The following GZMB variants were observed in gnomAD, a reference collection of about 807,000 sequenced individuals.
GZMB encodes the protein T-cell serine protease 1-3E.
Under a neutral mutation model 24.2 loss-of-function variants are expected in GZMB, and 27 were observed. The observed-to-expected ratio is 1.12, with a 90% CI of 0.82 to 1.54. The LOEUF is 1.54. Ranked by LOEUF, GZMB falls within the 40% of genes most tolerant of loss-of-function variation. The pLI, the probability that GZMB is intolerant of heterozygous loss-of-function variation, is 0.00. For synonymous variants in GZMB, 121 were observed against 115.1 expected (o/e 1.05, Z -0.33); for missense variants, 336 against 310.1 (o/e 1.08, Z -0.63).
chr14:24,631,853 C>T lies in GZMB; in HGVS notation c.600+5G>A, dbSNP rs1450554973. 4.3e-6 allele frequency: 7 copies of T among 1,613,542 alleles called. No individual in the cohort carries two copies. Among genetic ancestry groups the T allele is most frequent in the Non-Finnish European group, 5.9e-6 (7 of 1,179,424 alleles). On this transcript the variant is annotated splice_donor_5th_base_variant and intron_variant, in intron 4 of 4. Coordinates refer to ENST00000216341, the MANE Select transcript of GZMB (RefSeq NM_004131.6). Reference sequence around the variant, plus strand: ...GAGCCAATCCAGGCAGGTGCATAGTCTTACCTTAAAGGAAGTCTTTTTAAT... The same window carrying T: ...GAGCCAATCCAGGCAGGTGCATAGTTTTACCTTAAAGGAAGTCTTTTTAAT...
At position 24,633,193 on chromosome 14, in the gene GZMB, G is replaced by A. The variant is rs1048850642; in HGVS notation, c.56-131C>T. 9 of 1,452,268 alleles carry A rather than the reference G, an allele frequency of 6.2e-6. No homozygotes were observed. In the East Asian group the frequency reaches 7.0e-5, roughly 11 times the overall value. The allele number at this position is 1,452,268 out of a possible 1,614,324, so 90.0% of individuals were successfully genotyped here. ...GGAGTTGGGAGTGGCCTGGAGGAAG[G>A]GGCTTCAATTTCCTGCTCTGAAAAA... On this transcript the variant is annotated intron_variant, in intron 1 of 4. Transcript: ENST00000216341.
At chr14:24,633,103 C>G (rs1205591776) in intron 1 of GZMB, 41 bp from the exon 2 acceptor site, 1 of 1,557,080 alleles carries the variant, frequency 6.4e-7, no homozygotes, top group Admixed American at 1.9e-5. Flanking sequence ...CCCATGGAAT[C>G]TGCTGGGTGG....
chr14:24,632,470 A>G lies in GZMB; in HGVS notation c.204-11T>C. The G allele has an allele frequency of 6.2e-7, 1 of 1,613,534 alleles. No homozygotes were observed. Among genetic ancestry groups the G allele is most frequent in the Non-Finnish European group, 8.5e-7 (1 of 1,179,770 alleles). ...GTGACATTTATGGAGCTGCACAGAG[A>G]GCAGAGTGAGGATGGGGGTGGAGTC... On this transcript the variant is annotated splice_polypyrimidine_tract_variant and intron_variant, in intron 2 of 4. Coordinates refer to ENST00000216341, the MANE Select transcript of GZMB (RefSeq NM_004131.6).
Position 24,632,441 on chromosome 14 carries a change from C to T in GZMB, c.222G>A (p.Leu74=), listed in dbSNP as rs769362168. ...CCTGTTCTTTGATATTGTGGGCCCC[C>T]AAGGTGACATTTATGGAGCTGCACA... ...HCWGSSINVT[L]GAHNIKEQEP... is the part of the protein sequence containing the mutation. The change falls in exon 3 of 5, where the codon TTG becomes TTA. Residue 74 remains leucine (L), a synonymous_variant. Coordinates refer to ENST00000216341, the MANE Select transcript of GZMB (RefSeq NM_004131.6). The T allele has an allele frequency of 3.1e-6, 5 of 1,612,784 alleles. No individual in the cohort carries two copies. Among genetic ancestry groups the T allele is most frequent in the African/African-American group, 1.3e-5 (1 of 74,854 alleles).
chr14:24,633,671 C>T (rs1233736583), intron 1 of GZMB, among the ~76,000 whole-genome samples: 1 of 152,172 alleles, frequency 6.6e-6, no homozygotes, highest in Non-Finnish European at 1.5e-5. Context: ...TGAGCAAACA[C>T]ATTAACAGTG....
rs1156665204 is a variant in GZMB at position 24,631,026 on chromosome 14, G to C, written c.*45C>G. Reference sequence around the variant, plus strand: ...CAGTGTAAATCTGGACTTGGCTCCAGAGAAGGTGTTTCATTACAGCGGGGG... The same window carrying C: ...CAGTGTAAATCTGGACTTGGCTCCACAGAAGGTGTTTCATTACAGCGGGGG... On this transcript the variant is annotated 3_prime_UTR_variant, in exon 5 of 5. Coordinates refer to ENST00000216341, the MANE Select transcript of GZMB (RefSeq NM_004131.6). The C allele has an allele frequency of 6.7e-7, 1 of 1,496,200 alleles. No individual in the cohort carries two copies. The highest frequency in any genetic ancestry group is 9.3e-7 in the Non-Finnish European group (1 of 1,074,434). The allele number at this position is 1,496,200 out of a possible 1,614,324, so 92.7% of individuals were successfully genotyped here.
Position 24,631,999 on chromosome 14 carries a change from CA to C in GZMB, c.458del (p.Leu153ArgfsTer11). The stretch of plus-strand genomic sequence containing the variant: ...CTTGTAGTGTGTGTGAGTGTTTTCC[CA>C]GGGGGGCCGTCTGCCCCCAGCCGGC... ...SVAGWGQTAP[L>X]GKHSHTLQEV... On this transcript the variant is annotated frameshift_variant, in exon 4 of 5. Transcript: ENST00000216341. LOFTEE classifies it high-confidence loss of function. 6 of 1,614,174 alleles carry C rather than the reference CA, an allele frequency of 3.7e-6. No individual in the cohort carries two copies. Among genetic ancestry groups the C allele is most frequent in the Admixed American group, 1.7e-5 (1 of 60,030 alleles).
In GZMB at chr14:24,631,084, A is replaced by C; in HGVS notation, c.731T>G (p.Met244Arg). Residue 244 changes from methionine to arginine, a missense_variant, in exon 5 of 5, where the codon ATG becomes AGG. Physicochemically the swap from Met to Arg is moderately conservative, Grantham distance 91. Coordinates refer to ENST00000216341, the MANE Select transcript of GZMB (RefSeq NM_004131.6). ...TGCTTCCTGTAGTTAGTAGCGTTTC[A>C]TGGTTTTCTTTATCCAGTGTACAAA... ...SSFVHWIKKT[M>R]KRY 6.2e-7 allele frequency: 1 copy of C among 1,613,348 alleles called. No individual in the cohort carries two copies. The highest frequency in any genetic ancestry group is 1.7e-5 in the Admixed American group (1 of 60,004).
At position 24,634,127 on chromosome 14, in the gene GZMB, G is replaced by A. The variant is rs369766185; in HGVS notation, c.34C>T (p.Leu12=). Residue 12 remains leucine (L), a synonymous_variant, in exon 1 of 5, where the codon CTG becomes TTG. Transcript: ENST00000216341. ...QPILLLLAFL[L]LPRADAGEII... is the part of the protein sequence containing the mutation. ...TCACCTGCATCTGCCCTGGGCAGCA[G>A]GAGGAAGGCCAGCAGAAGCAGGATT... is the stretch of plus-strand genomic sequence containing the variant. 1.7e-5 allele frequency: 27 copies of A among 1,595,206 alleles called. No homozygotes were observed. The highest frequency in any genetic ancestry group is 2.3e-5 in the Non-Finnish European group (27 of 1,172,204).
In GZMB at chr14:24,634,180, T is replaced by C. The variant is rs1472528577; in HGVS notation, c.-20A>G. 1 of 1,579,128 alleles carries C rather than the reference T, an allele frequency of 6.3e-7. No individual in the cohort carries two copies. ...TTGCATCTTCTCAGGAAGGCTGCCC[T>C]GGTTGGAGCTGCTGTTGTTTCCTCC... On this transcript the variant is annotated 5_prime_UTR_variant, in exon 1 of 5. Transcript: ENST00000216341.
intron 2 of GZMB, 81 bp downstream of exon 2, chr14:24,632,834 G>A (rs2067010103): frequency 3.6e-6 from 5 of 1,387,428 alleles, no homozygotes; most frequent in African/African-American, 1.4e-5. Flanking sequence ...GTTCACAGGA[G>A]CCCAGGGAGC....
chr14:24,631,972 C>T lies in GZMB; in HGVS notation c.486G>A (p.Glu162=). Residue 162 remains glutamate (E), a synonymous_variant, in exon 4 of 5, where the codon GAG becomes GAA. Transcript: ENST00000216341. The part of the protein sequence containing the change: ...PLGKHSHTLQ[E]VKMTVQEDRK... ...GATCTTCCTGCACTGTCATCTTCAC[C>T]TCTTGTAGTGTGTGTGAGTGTTTTC... 1 of 1,614,232 alleles carries T rather than the reference C, an allele frequency of 6.2e-7. No homozygotes were observed. The highest frequency in any genetic ancestry group is 8.5e-7 in the Non-Finnish European group (1 of 1,180,046).
At chr14:24,631,806 T>C (rs2138502704) in intron 4 of GZMB, 52 bp downstream of exon 4, 1 of 1,510,022 alleles carries the variant, frequency 6.6e-7, no homozygotes, top group East Asian at 2.3e-5. Context: ...TCTCAGATAT[T>C]CCCCAAACAT....
In GZMB at chr14:24,631,909, A is replaced by T; in HGVS notation, c.549T>A (p.Ser183Arg). 1.2e-6 allele frequency: 2 copies of T among 1,613,802 alleles called. No individual in the cohort carries two copies. Among genetic ancestry groups the T allele is most frequent in the Non-Finnish European group, 1.7e-6 (2 of 1,179,648 alleles). Residue 183 changes from serine (S) to arginine (R), a missense_variant, in exon 4 of 5, where the codon AGT becomes AGA. Physicochemically the swap from Ser to Arg is moderately radical, Grantham distance 110 (BLOSUM62 -1). Coordinates refer to ENST00000216341, the MANE Select transcript of GZMB (RefSeq NM_004131.6). ...GGTCCCCCACGCACAACTCAATGGT[A>T]CTGTCGTAATAATGGCGTAAGTCAG... ...CESDLRHYYD[S>R]TIELCVGDPE...
intron 2 of GZMB, chr14:24,632,678 C>T (rs1239455332): frequency 1.2e-6 from 1 of 833,844 alleles, no homozygotes. Flanking sequence ...TATTCTATGC[C>T]AAAGTATGCC....
intron 1 of GZMB, 88 bp downstream of exon 1, chr14:24,634,018 T>C: frequency 2.6e-6 from 3 of 1,168,440 alleles, no homozygotes; most frequent in Non-Finnish European, 3.8e-6. Flanking sequence ...AGAACATTCC[T>C]GGTAGATAGA....
chr14:24,633,156 C>T (rs1487649039), intron 1 of GZMB, 94 bp from the exon 2 acceptor site: 4 of 1,492,698 alleles, frequency 2.7e-6, no homozygotes, highest in Non-Finnish European at 3.6e-6. Context: ...ATTTGGGAGC[C>T]TGGGATAGCC....
intron 2 of GZMB, 157 bp from the exon 3 acceptor site, chr14:24,632,616 T>A (rs2138504640): frequency 8.2e-7 from 1 of 1,219,814 alleles, no homozygotes; most frequent in African/African-American, 1.5e-5. Context: ...TTGCACCAGG[T>A]TTCTCAGGGT....
rs750117680 is a variant in GZMB at position 24,632,339 on chromosome 14, G to A, written c.324C>T (p.Asp108=). 2.5e-6 allele frequency: 4 copies of A among 1,608,446 alleles called. No individual in the cohort carries two copies. The highest frequency in any genetic ancestry group is 2.1e-4 in the Middle Eastern group (1 of 4,766). ...PAYNPKNFSN[D]IMLLQLERKA... is the part of the protein sequence containing the mutation. ...TGTGCCTCACCTGCAGTAGCATGAT[G>A]TCGTTGGAGAAGTTCTTAGGATTAT... Residue 108 remains aspartate, a synonymous_variant, in exon 3 of 5, where the codon GAC becomes GAT. Coordinates refer to ENST00000216341, the MANE Select transcript of GZMB (RefSeq NM_004131.6).
Sources: allele counts gnomAD v4.1 joint callset (sites outside exome capture counted in the v4.1 genomes callset), GRCh38; gene constraint gnomAD v4.1.1; transcripts MANE v1.5; gene names NCBI Gene and HGNC (gene_info 2026-07-23, HGNC 2026-07-21).